The following ABCD3 variants were observed in gnomAD, a reference collection of about 807,000 sequenced individuals.
The protein encoded by ABCD3 is ATP binding cassette subfamily D member 3.
Under a neutral mutation model 105.5 loss-of-function variants are expected in ABCD3, and 41 were observed. The observed-to-expected ratio is 0.39, with a 90% CI of 0.30 to 0.50. The LOEUF is 0.50. Among genes scored for constraint, ABCD3 ranks in the 20% least tolerant of loss-of-function variants. ABCD3 has a pLI of 0.84. For missense variants in ABCD3, 622 were observed against 806.3 expected, an observed-to-expected ratio of 0.77 and a Z score of 2.77; for synonymous variants, 258 against 269.0, an observed-to-expected ratio of 0.96 and a Z score of 0.40.
chr1:94,512,462 T>C (rs1487788377), intron 21 of ABCD3, among the ~76,000 whole-genome samples: 1 of 151,974 alleles, frequency 6.6e-6, no homozygotes, highest in Non-Finnish European at 1.5e-5. Context: ...ATATAAAAGA[T>C]ACCTCATTTA....
At chr1:94,443,042 A>G (rs1660190058) in intron 1 of ABCD3, among the ~76,000 whole-genome samples, 1 of 152,180 alleles carries the variant, frequency 6.6e-6, no homozygotes, top group Non-Finnish European at 1.5e-5. Flanking sequence ...AAATCACCAT[A>G]CTGTTTTCCA....
chr1:94,513,187 A>G (rs1650766315), intron 21 of ABCD3, among the ~76,000 whole-genome samples: 1 of 152,102 alleles, frequency 6.6e-6, no homozygotes, highest in Non-Finnish European at 1.5e-5. Context: ...TTGGTAATAT[A>G]TAATTATACA....
chr1:94,484,497 G>A (rs575172674), intron 10 of ABCD3, among the ~76,000 whole-genome samples: 58 of 152,334 alleles, frequency 3.8e-4, no homozygotes, highest in African/African-American at 1.3e-3. Context: ...GGACATGGAT[G>A]CAGCTGGCAA....
chr1:94,502,422 C>T (rs749068796), intron 20 of ABCD3, among the ~76,000 whole-genome samples: 27 of 151,608 alleles, frequency 1.8e-4, no homozygotes, highest in Non-Finnish European at 3.7e-4. Context: ...GACAGTATGT[C>T]AGGCACCTTA....
At chr1:94,413,378 T>G in the ABCD3 span, among the ~76,000 whole-genome samples, 1 of 152,154 alleles carries the variant, frequency 6.6e-6, no homozygotes, top group Admixed American at 6.5e-5. Context: ...AAATAAACAC[T>G]ACGGGAGCTC....
At chr1:94,429,400 C>T (rs533522817) in intron 1 of ABCD3, among the ~76,000 whole-genome samples, 1 of 152,294 alleles carries the variant, frequency 6.6e-6, no homozygotes, top group South Asian at 2.1e-4. Context: ...CTCATCAAGA[C>T]AATGGGGAAA....
intron 1 of ABCD3, among the ~76,000 whole-genome samples, chr1:94,453,695 G>C (rs558024534): frequency 1.3e-5 from 2 of 150,146 alleles, no homozygotes; most frequent in African/African-American, 4.9e-5. Context: ...GAGATAAGAA[G>C]TCTTTTACCT....
chr1:94,412,204 T>C, the ABCD3 span, among the ~76,000 whole-genome samples: 1 of 152,192 alleles, frequency 6.6e-6, no homozygotes, highest in Non-Finnish European at 1.5e-5. Context: ...TATATTCACA[T>C]GGTTAAAAAC....
intron 3 of ABCD3, among the ~76,000 whole-genome samples, 184 bp from the exon 4 acceptor site, chr1:94,467,735 T>C (rs1360978426): frequency 2.0e-5 from 3 of 152,222 alleles, no homozygotes; most frequent in Non-Finnish European, 4.4e-5. Flanking sequence ...TTTTTTCATT[T>C]ATATAATATT....
chr1:94,446,988 A>G (rs370107213), intron 1 of ABCD3, among the ~76,000 whole-genome samples: 6 of 152,346 alleles, frequency 3.9e-5, no homozygotes, highest in African/African-American at 1.4e-4. Flanking sequence ...GAAATCAGGT[A>G]TGTCCCTGGT....
At chr1:94,422,615 T>A (rs527465295) in intron 1 of ABCD3, among the ~76,000 whole-genome samples, 3 of 152,352 alleles carry the variant, frequency 2.0e-5, no homozygotes, top group South Asian at 4.1e-4. Flanking sequence ...AACTGAGTCA[T>A]CTTTAATTCC....
At chr1:94,499,452 C>T in intron 19 of ABCD3, 43 bp from the exon 20 acceptor site, 1 of 1,584,182 alleles carries the variant, frequency 6.3e-7, no homozygotes, top group Non-Finnish European at 8.7e-7. Flanking sequence ...AGAATGTTGG[C>T]TTATATTAAG....
At chr1:94,509,639 G>A (rs1650561447) in intron 21 of ABCD3, among the ~76,000 whole-genome samples, 1 of 152,114 alleles carries the variant, frequency 6.6e-6, no homozygotes, top group Admixed American at 6.5e-5. Flanking sequence ...TGGTTGGTAA[G>A]CTATTGATTA....
At chr1:94,478,469 C>T (rs1648872485) in intron 8 of ABCD3, 154 bp downstream of exon 8, 2 of 1,292,008 alleles carry the variant, frequency 1.5e-6, no homozygotes, top group Non-Finnish European at 2.2e-6. Flanking sequence ...TAAAATAATA[C>T]TTCATTCGAG....
At chr1:94,392,388 C>CA in the ABCD3 span, among the ~76,000 whole-genome samples, 1 of 152,132 alleles carries the variant, frequency 6.6e-6, no homozygotes, top group East Asian at 1.9e-4. Context: ...AGTAGGTCAA[C>CA]AAAAAACACA....
chr1:94,403,305 G>C, the ABCD3 span, among the ~76,000 whole-genome samples: 1 of 152,068 alleles, frequency 6.6e-6, no homozygotes, highest in Non-Finnish European at 1.5e-5. Context: ...TCCTACATTG[G>C]TGATGTTAAT....
In ABCD3 at chr1:94,418,422, G is replaced by T. The variant is rs1659105762; in HGVS notation, c.-57G>T. ...CCCCCGCGCTGCGTGCAGTAAGGTA[G>T]CCGCCGCCGCCGCCGCCGCCGCGTC... On this transcript the variant is annotated 5_prime_UTR_variant, in exon 1 of 23. Coordinates refer to ENST00000370214, the MANE Select transcript of ABCD3 (RefSeq NM_002858.4). 8.8e-7 allele frequency: 1 copy of T among 1,132,178 alleles called. No homozygotes were observed. Among genetic ancestry groups the T allele is most frequent in the Admixed American group, 2.3e-5 (1 of 44,098 alleles). 70.1% of individuals were successfully genotyped at this position (1,132,178 alleles called of 1,614,324 possible).
intron 4 of ABCD3, among the ~76,000 whole-genome samples, chr1:94,473,007 G>A (rs1648561444): frequency 6.6e-6 from 1 of 152,000 alleles, no homozygotes; most frequent in South Asian, 2.1e-4. Context: ...AATTTTTAAT[G>A]TATATTTTAA....
At chr1:94,425,378 CT>C (rs1326034677) in intron 1 of ABCD3, among the ~76,000 whole-genome samples, 1 of 152,284 alleles carries the variant, frequency 6.6e-6, no homozygotes, top group East Asian at 1.9e-4. Context: ...CATAACTATA[CT>C]TTTAAAGAAA....
Sources: allele counts gnomAD v4.1 joint callset (sites outside exome capture counted in the v4.1 genomes callset), GRCh38; gene constraint gnomAD v4.1.1; transcripts MANE v1.5; gene names NCBI Gene and HGNC (gene_info 2026-07-23, HGNC 2026-07-21).